The following LSS variants were observed in gnomAD, a reference collection of about 807,000 sequenced individuals.
The protein encoded by LSS is lanosterol synthase.
LSS carries 90 observed loss-of-function variants against 110.3 expected under a neutral mutation model. The observed-to-expected ratio is 0.82, with a 90% CI of 0.69 to 0.97. The LOEUF is 0.97. LSS is among the 50% of genes least tolerant of loss of function. The pLI, the probability that LSS is intolerant of heterozygous loss-of-function variation, is 0.00. For missense variants in LSS, 927 were observed against 990.0 expected, an observed-to-expected ratio of 0.94 and a Z score of 0.85; for synonymous variants, 433 against 400.0, an observed-to-expected ratio of 1.08 and a Z score of -0.98.
intron 19 of LSS, among the ~76,000 whole-genome samples, chr21:46,195,472 G>A (rs2079896375): frequency 6.6e-6 from 1 of 152,220 alleles, no homozygotes; most frequent in Non-Finnish European, 1.5e-5. Flanking sequence ...CTACTCGGGA[G>A]GATCGCTTGA....
At chr21:46,196,797 C>G (rs541884031) in intron 17 of LSS, among the ~76,000 whole-genome samples, 1 of 152,224 alleles carries the variant, frequency 6.6e-6, no homozygotes, top group Non-Finnish European at 1.5e-5. Flanking sequence ...GTCCTGGGAC[C>G]GAGGTCTGTG....
Position 46,202,210 on chromosome 21 carries a change from C to T in LSS, c.1670+3626G>A, listed in dbSNP as rs1435428528. 2.0e-3 allele frequency among the ~76,000 whole-genome samples: 283 copies of T among 142,692 alleles called. 1 individual carries two copies. The highest frequency in any genetic ancestry group is 6.4e-3 in the African/African-American group (255 of 39,824). The allele number at this position is 142,692 out of a possible 152,430, so 93.6% of individuals were successfully genotyped here. A position where few individuals can be genotyped will look rare whatever the true frequency, so the allele number is the denominator to read the frequency against. On this transcript the variant is annotated intron_variant, in intron 17 of 21. Transcript: ENST00000397728. Reference sequence around the variant, plus strand: ...GAGATCGAGACCATCCTGGCTAAAACGGTGAAACCCCGTCTCTACTAAAAA... The same window carrying T: ...GAGATCGAGACCATCCTGGCTAAAATGGTGAAACCCCGTCTCTACTAAAAA...
At chr21:46,191,274 A>G in intron 21 of LSS, 39 bp from the exon 22 acceptor site, 3 of 1,612,188 alleles carry the variant, frequency 1.9e-6, no homozygotes, top group Non-Finnish European at 2.5e-6. Flanking sequence ...AGGCTTCACC[A>G]GTCAGCTGAG....
intron 17 of LSS, among the ~76,000 whole-genome samples, chr21:46,197,499 T>A (rs1353001858): frequency 6.6e-6 from 1 of 152,160 alleles, no homozygotes; most frequent in Non-Finnish European, 1.5e-5. Context: ...GGAGGAACAC[T>A]CTCTAGCTCA....
At chr21:46,212,272 C>T (rs1056066838) in intron 11 of LSS, among the ~76,000 whole-genome samples, 6 of 152,206 alleles carry the variant, frequency 3.9e-5, no homozygotes, top group African/African-American at 1.2e-4. Context: ...GCTGGGCCCA[C>T]GTGTATCCAT....
At chr21:46,200,956 C>T (rs1191364253) in intron 17 of LSS, among the ~76,000 whole-genome samples, 1 of 152,182 alleles carries the variant, frequency 6.6e-6, no homozygotes, top group Non-Finnish European at 1.5e-5. Context: ...AATTCCTTTC[C>T]AATGGTTCAA....
chr21:46,226,533 G>C (rs2080341841), intron 3 of LSS, among the ~76,000 whole-genome samples: 1 of 152,246 alleles, frequency 6.6e-6, no homozygotes. Flanking sequence ...TCAAAGCAGA[G>C]ATGGGGATCC....
chr21:46,211,650 G>A (rs1056118387), intron 11 of LSS, among the ~76,000 whole-genome samples: 6 of 152,132 alleles, frequency 3.9e-5, no homozygotes, highest in East Asian at 1.9e-4. Context: ...TCCAGACATC[G>A]TGCACTGGAG....
intron 10 of LSS, 82 bp downstream of exon 10, chr21:46,213,656 G>A (rs1171998283): frequency 7.8e-7 from 1 of 1,278,076 alleles, no homozygotes; most frequent in Admixed American, 1.9e-5. Context: ...TGGCACCGTG[G>A]GGGCCCCCTC....
At chr21:46,214,556 C>T (rs1470787482) in intron 9 of LSS, among the ~76,000 whole-genome samples, 3 of 152,230 alleles carry the variant, frequency 2.0e-5, no homozygotes, top group Non-Finnish European at 4.4e-5. Flanking sequence ...AGCCAACCCA[C>T]TACACCGCAG....
Position 46,213,831 on chromosome 21 carries a change from G to A in LSS, c.1016C>T (p.Ser339Leu), listed in dbSNP as rs1347205213. The A allele has an allele frequency of 4.3e-6, 7 of 1,612,574 alleles. No homozygotes were observed. The highest frequency in any genetic ancestry group is 3.3e-5 in the Admixed American group (2 of 59,968). ...GCGCACAAGCATGTTGATGGTTTTCGAGATCTGCAGGAGAGACAGCCCTGT... is the reference window on the plus strand; with the variant it reads ...GCGCACAAGCATGTTGATGGTTTTCAAGATCTGCAGGAGAGACAGCCCTGT... ...FTKSISIGPI[S>L]KTINMLVRWY... Residue 339 changes from serine to leucine, a missense_variant, in exon 10 of 22, where the codon TCG becomes TTG. By Grantham distance (145) the Ser-to-Leu change is moderately radical. Coordinates refer to ENST00000397728, the MANE Select transcript of LSS (RefSeq NM_002340.6).
At chr21:46,206,915 C>T in intron 15 of LSS, 147 bp from the exon 16 acceptor site, 1 of 669,254 alleles carries the variant, frequency 1.5e-6, no homozygotes, top group Non-Finnish European at 2.7e-6. Context: ...TCCACGTTAA[C>T]CAAGCCCTCG....
Position 46,222,082 on chromosome 21 carries a change from C to G in LSS, c.429-107G>C, listed in dbSNP as rs2280959. The G allele has an allele frequency of 0.48, 628,199 of 1,314,554 alleles. 154,254 individuals are homozygous for G. The highest frequency in any genetic ancestry group is 0.68 in the African/African-American group (46,412 of 68,338). The allele number at this position is 1,314,554 out of a possible 1,614,324, so 81.4% of individuals were successfully genotyped here. A position where few individuals can be genotyped will look rare whatever the true frequency, so the allele number is the denominator to read the frequency against. On this transcript the variant is annotated intron_variant, in intron 4 of 21. Coordinates refer to ENST00000397728, the MANE Select transcript of LSS (RefSeq NM_002340.6). ...TCAGAAAACTAAGAATGCTAAAATG[C>G]CTTAACCTGACATAACATGCCAACA...
chr21:46,218,305 C>T (rs931458605), intron 6 of LSS, among the ~76,000 whole-genome samples: 1 of 151,468 alleles, frequency 6.6e-6, no homozygotes, highest in African/African-American at 2.4e-5. Flanking sequence ...ATGTCCACTG[C>T]TTTCAATAGA....
intron 2 of LSS, 125 bp downstream of exon 2, chr21:46,228,307 GGC>G: frequency 9.2e-7 from 1 of 1,091,714 alleles, no homozygotes; most frequent in South Asian, 1.6e-5. Context: ...AGTTCCCGTG[GGC>G]GCTCGCCTTG....
At chr21:46,196,976 A>C (rs992244723) in intron 17 of LSS, among the ~76,000 whole-genome samples, 1 of 152,234 alleles carries the variant, frequency 6.6e-6, no homozygotes, top group Admixed American at 6.5e-5. Context: ...ATCCTTCCTC[A>C]CTGGAAGCTC....
intron 12 of LSS, among the ~76,000 whole-genome samples, chr21:46,210,215 G>A (rs138130258): frequency 0.043 from 6,552 of 151,848 alleles, 205 homozygotes; most frequent in Non-Finnish European, 0.067. Flanking sequence ...ACAGGTGCCC[G>A]CCACCACGCT....
rs970604055 is a variant in LSS at position 46,207,806 on chromosome 21, C to A, written c.1318-229G>T. 2.6e-5 allele frequency among the ~76,000 whole-genome samples: 4 copies of A among 152,114 alleles called. No individual in the cohort carries two copies. The East Asian group carries it at 7.7e-4, about 29-fold the overall frequency. On this transcript the variant is annotated intron_variant, in intron 14 of 21. Transcript: ENST00000397728. ...GTGCAGCTCACACCCTCAACACCTG[C>A]AGATCTCACGACGGACAGGATGGGG...
intron 5 of LSS, among the ~76,000 whole-genome samples, chr21:46,221,339 C>A (rs2080277325): frequency 7.5e-6 from 1 of 133,000 alleles, no homozygotes. Flanking sequence ...AACAGAATTA[C>A]CTGGTTGTCT....
Sources: allele counts gnomAD v4.1 joint callset (sites outside exome capture counted in the v4.1 genomes callset), GRCh38; gene constraint gnomAD v4.1.1; transcripts MANE v1.5; gene names NCBI Gene and HGNC (gene_info 2026-07-23, HGNC 2026-07-21).